CNTN5: variants seen among roughly 807,000 people sequenced by gnomAD.
CNTN5 encodes the protein contactin-5.
A neutral mutation model predicts 129.1 loss-of-function variants in CNTN5; 77 were observed. That is an observed-to-expected ratio of 0.60 (90% CI 0.50 to 0.72). The LOEUF (loss-of-function observed/expected upper bound fraction) is 0.72, where lower values mean the gene tolerates loss of function less well. Among genes scored for constraint, CNTN5 ranks in the 30% least tolerant of loss-of-function variants. The pLI, the probability that CNTN5 is intolerant of heterozygous loss-of-function variation, is 0.00. For synonymous variants in CNTN5, 509 were observed against 465.6 expected (o/e 1.09, Z -1.20); for missense variants, 1,478 against 1,328.8 (o/e 1.11, Z -1.75).
At chr11:99,473,095 A>G (rs1591121304) in intron 2 of CNTN5, among the ~76,000 whole-genome samples, 1 of 152,300 alleles carries the variant, frequency 6.6e-6, no homozygotes, top group Non-Finnish European at 1.5e-5. Context: ...TGTCTGTTCT[A>G]TAAACATTCC....
chr11:99,315,180 C>A lies in CNTN5; in HGVS notation c.-209-10166C>A, dbSNP rs1286112064. Among the ~76,000 whole-genome samples the A allele has an allele frequency of 3.4e-5, 5 of 148,918 alleles. 1 individual carries two copies. Among genetic ancestry groups the A allele is most frequent in the Non-Finnish European group, 7.5e-5 (5 of 66,476 alleles). ...TTGGTCTGGCTAGTAGTTCACTGAG[C>A]ATAAATAGTTCACTGAGCATAAGTA... On this transcript the variant is annotated intron_variant, in intron 1 of 24. Coordinates refer to ENST00000524871, the MANE Select transcript of CNTN5 (RefSeq NM_014361.4).
intron 8 of CNTN5, among the ~76,000 whole-genome samples, chr11:99,999,188 G>A (rs967796196): frequency 6.6e-6 from 1 of 152,040 alleles, no homozygotes; most frequent in Non-Finnish European, 1.5e-5. Context: ...CTTCTGCACA[G>A]CAAAAGAAAC....
intron 1 of CNTN5, among the ~76,000 whole-genome samples, chr11:99,300,569 T>C (rs1241809156): frequency 6.6e-6 from 1 of 152,084 alleles, no homozygotes; most frequent in Non-Finnish European, 1.5e-5. Flanking sequence ...TATTTGCCTG[T>C]AGTTTCTTTT....
At chr11:99,372,838 T>C (rs534734516) in intron 2 of CNTN5, among the ~76,000 whole-genome samples, 1 of 152,246 alleles carries the variant, frequency 6.6e-6, no homozygotes, top group African/African-American at 2.4e-5. Context: ...TTTTGTTTTG[T>C]TTTGTTACCA....
At chr11:100,305,704 C>T (rs1012531795) in intron 20 of CNTN5, among the ~76,000 whole-genome samples, 1 of 151,440 alleles carries the variant, frequency 6.6e-6, no homozygotes, top group Non-Finnish European at 1.5e-5. Context: ...TGTCTGCAGA[C>T]CAATTTTTGA....
intron 16 of CNTN5, among the ~76,000 whole-genome samples, chr11:100,252,194 T>G (rs992293464): frequency 6.6e-6 from 1 of 152,144 alleles, no homozygotes; most frequent in Non-Finnish European, 1.5e-5. Flanking sequence ...TTTCATATAT[T>G]TGTGGTCATT....
intron 1 of CNTN5, among the ~76,000 whole-genome samples, chr11:99,252,346 CAAAA>C (rs1216752923): frequency 6.6e-6 from 1 of 151,720 alleles, no homozygotes; most frequent in Non-Finnish European, 1.5e-5. Flanking sequence ...AACACACAAA[CAAAA>C]AACACACAAA....
chr11:99,304,911 A>G (rs1480768038), intron 1 of CNTN5, among the ~76,000 whole-genome samples: 1 of 152,226 alleles, frequency 6.6e-6, no homozygotes, highest in Non-Finnish European at 1.5e-5. Context: ...AAGTAGATCA[A>G]GTGGAAAAGA....
At chr11:99,943,937 C>A (rs548006294) in intron 7 of CNTN5, among the ~76,000 whole-genome samples, 1 of 152,040 alleles carries the variant, frequency 6.6e-6, no homozygotes, top group African/African-American at 2.4e-5. Flanking sequence ...GTTACTGTAG[C>A]CTTGTAGCAT....
intron 17 of CNTN5, among the ~76,000 whole-genome samples, chr11:100,259,778 T>C (rs181556351): frequency 6.6e-6 from 1 of 151,970 alleles, no homozygotes; most frequent in Non-Finnish European, 1.5e-5. Flanking sequence ...CTAGAACCTC[T>C]GGGACACATT....
intron 7 of CNTN5, among the ~76,000 whole-genome samples, chr11:99,933,376 A>T (rs1408068711): frequency 6.6e-6 from 1 of 152,206 alleles, no homozygotes; most frequent in Non-Finnish European, 1.5e-5. Context: ...AATGAACATC[A>T]GCAACTTTTA....
At chr11:100,167,270 A>G (rs973820774) in intron 13 of CNTN5, among the ~76,000 whole-genome samples, 1 of 151,154 alleles carries the variant, frequency 6.6e-6, no homozygotes, top group African/African-American at 2.5e-5. Flanking sequence ...TGTGTGTAAG[A>G]TACTGTGTGT....
intron 1 of CNTN5, among the ~76,000 whole-genome samples, chr11:99,026,661 G>A (rs1287405386): frequency 1.3e-5 from 2 of 151,488 alleles, no homozygotes; most frequent in South Asian, 2.1e-4. Flanking sequence ...GGGGCCATGC[G>A]AGCTCATATT....
intron 4 of CNTN5, among the ~76,000 whole-genome samples, chr11:99,831,335 T>G (rs2135609808): frequency 6.6e-6 from 1 of 152,218 alleles, no homozygotes; most frequent in African/African-American, 2.4e-5. Flanking sequence ...CTTAACGAAG[T>G]GGTAGTTGGT....
intron 3 of CNTN5, among the ~76,000 whole-genome samples, chr11:99,678,696 G>C (rs967884771): frequency 1.3e-5 from 2 of 152,026 alleles, no homozygotes; most frequent in African/African-American, 4.8e-5. Context: ...TTAGAGTATA[G>C]AGAAAGTTAT....
chr11:99,652,703 A>G (rs539833230), intron 3 of CNTN5, among the ~76,000 whole-genome samples: 2 of 152,108 alleles, frequency 1.3e-5, no homozygotes, highest in African/African-American at 4.8e-5. Flanking sequence ...TTAAGTTTGC[A>G]GTCGAAATAC....
chr11:99,960,114 C>T lies in CNTN5; in HGVS notation c.877+3105C>T, dbSNP rs114248747. ...CATAAAATGCTAGAAAATATCTGCA[C>T]GTCTTGGTTACTCAAGCTTAAACAA... On this transcript the variant is annotated intron_variant, in intron 8 of 24. Coordinates refer to ENST00000524871, the MANE Select transcript of CNTN5 (RefSeq NM_014361.4). Among the ~76,000 whole-genome samples, 1,162 of 152,256 alleles carry T rather than the reference C, an allele frequency of 7.6e-3. 13 individuals are homozygous for T. The highest frequency in any genetic ancestry group is 0.026 in the African/African-American group (1,080 of 41,556).
intron 16 of CNTN5, among the ~76,000 whole-genome samples, chr11:100,244,568 G>A (rs550072788): frequency 7.2e-5 from 11 of 152,084 alleles, no homozygotes; most frequent in Non-Finnish European, 1.5e-4. Flanking sequence ...TAAAATGAAG[G>A]TAGCAGTGGG....
chr11:100,021,800 T>C (rs1294814080), intron 9 of CNTN5, among the ~76,000 whole-genome samples: 1 of 152,086 alleles, frequency 6.6e-6, no homozygotes, highest in Non-Finnish European at 1.5e-5. Context: ...GTAGGGAAGC[T>C]GACAGTGCAG....
Sources: allele counts gnomAD v4.1 joint callset (sites outside exome capture counted in the v4.1 genomes callset), GRCh38; gene constraint gnomAD v4.1.1; transcripts MANE v1.5; gene names NCBI Gene and HGNC (gene_info 2026-07-23, HGNC 2026-07-21).